Variants in ESRRB observed in about 807,000 individuals in gnomAD.
ESRRB encodes the protein estrogen related receptor beta, also known as steroid hormone receptor ERR2.
A neutral mutation model predicts 46.0 loss-of-function variants in ESRRB; 16 were observed. The ratio of observed to expected loss-of-function variants is 0.35; its 90% CI spans 0.24 to 0.53. ESRRB has a LOEUF of 0.53. ESRRB is among the 20% of genes least tolerant of loss of function. The pLI is 0.93. For missense variants in ESRRB, 488 were observed against 607.4 expected (o/e 0.80, Z 2.07); for synonymous variants, 246 against 259.6 (o/e 0.95, Z 0.50).
intron 1 of ESRRB, among the ~76,000 whole-genome samples, chr14:76,378,450 T>C (rs935381329): frequency 1.3e-5 from 2 of 151,934 alleles, no homozygotes; most frequent in Non-Finnish European, 2.9e-5. Context: ...TAGAAATCAT[T>C]TATAAACTAA....
At position 76,347,560 on chromosome 14, in the gene ESRRB, T is replaced by C. The variant is rs2139757753; in HGVS notation, c.2+36644T>C. On this transcript the variant is annotated intron_variant, in intron 1 of 6. Transcript: ENST00000512784. ...CCAGTGCCTGCAACAGTGCATGTCA[T>C]AGACACTGAAATAGCTCACTTAATC... Among the ~76,000 whole-genome samples the C allele has an allele frequency of 2.0e-5, 2 of 100,310 alleles. 1 individual carries two copies. Among genetic ancestry groups the C allele is most frequent in the African/African-American group, 7.1e-5 (2 of 28,110 alleles). The allele number at this position is 100,310 out of a possible 152,430, so 65.8% of individuals were successfully genotyped here. A position where few individuals can be genotyped will look rare whatever the true frequency, so the allele number is the denominator to read the frequency against.
chr14:76,494,018 T>C (rs560310722), intron 6 of ESRRB, among the ~76,000 whole-genome samples: 1 of 152,326 alleles, frequency 6.6e-6, no homozygotes, highest in African/African-American at 2.4e-5. Context: ...TTCCCTGTGC[T>C]TCCTGCCTCC....
At chr14:76,433,415 C>A (rs1331007084) in intron 1 of ESRRB, among the ~76,000 whole-genome samples, 2 of 152,120 alleles carry the variant, frequency 1.3e-5, no homozygotes, top group Non-Finnish European at 2.9e-5. Flanking sequence ...TTGCTCAGGG[C>A]CAACTGGGAG....
At chr14:76,392,234 C>T (rs12588054) in intron 1 of ESRRB, among the ~76,000 whole-genome samples, 44,269 of 151,876 alleles carry the variant, frequency 0.29, 6,609 homozygotes, top group South Asian at 0.34. Flanking sequence ...TGCAGGGTGG[C>T]GTGTGGGTAT....
intron 1 of ESRRB, among the ~76,000 whole-genome samples, chr14:76,437,682 C>T (rs1265878538): frequency 1.3e-5 from 2 of 152,168 alleles, no homozygotes; most frequent in Non-Finnish European, 2.9e-5. Flanking sequence ...CAGATCAACA[C>T]CACCCAGGCC....
At chr14:76,495,182 G>A (rs972623333) in intron 6 of ESRRB, among the ~76,000 whole-genome samples, 21 of 152,096 alleles carry the variant, frequency 1.4e-4, no homozygotes, top group African/African-American at 2.4e-4. Flanking sequence ...CTGAGGACCC[G>A]TGGAGGTTTG....
At chr14:76,359,230 G>A (rs1884434793) in intron 1 of ESRRB, among the ~76,000 whole-genome samples, 1 of 152,204 alleles carries the variant, frequency 6.6e-6, no homozygotes, top group Non-Finnish European at 1.5e-5. Flanking sequence ...GATTTTAACT[G>A]ACCCTACTGA....
upstream of ESRRB, among the ~76,000 whole-genome samples, chr14:76,373,236 A>G (rs1195484768): frequency 6.6e-6 from 1 of 152,208 alleles, no homozygotes; most frequent in Non-Finnish European, 1.5e-5. Context: ...CTTGCTGAGC[A>G]TGGATTACAA....
In ESRRB at chr14:76,500,820, C is replaced by A; in HGVS notation, c.*2362C>A. ...TGACCTCACTTCAGAGCCCCTCTAG[C>A]AGAGTGGGGCGGAAGTCCTGATGGT... On this transcript the variant is annotated 3_prime_UTR_variant, in exon 7 of 7. Transcript: ENST00000644823. The A allele has an allele frequency of 7.6e-7, 1 of 1,317,080 alleles. No homozygotes were observed. The highest frequency in any genetic ancestry group is 1.1e-6 in the Non-Finnish European group (1 of 909,428). 81.6% of individuals were successfully genotyped at this position (1,317,080 alleles called of 1,614,324 possible). A position where few individuals can be genotyped will look rare whatever the true frequency, so the allele number is the denominator to read the frequency against.
chr14:76,382,063 A>G (rs771661113), intron 1 of ESRRB, among the ~76,000 whole-genome samples: 1 of 152,136 alleles, frequency 6.6e-6, no homozygotes, highest in Admixed American at 6.5e-5. Context: ...TGTGCTGCCA[A>G]TAAAGCCCCT....
At chr14:76,392,077 T>G (rs1040161204) in intron 1 of ESRRB, among the ~76,000 whole-genome samples, 1 of 152,246 alleles carries the variant, frequency 6.6e-6, no homozygotes, top group Admixed American at 6.5e-5. Context: ...CTTTCTGTTC[T>G]GTGTAACTGC....
Position 76,500,852 on chromosome 14 carries a change from C to A in ESRRB, c.*2394C>A, listed in dbSNP as rs182946682. ...GGGCGGAAGTCCTGATGGTTGGTGT[C>A]CATGAGGTGGAAGCTGCTTTTATAC... On this transcript the variant is annotated 3_prime_UTR_variant, in exon 7 of 7. Transcript: ENST00000644823. 9 of 954,714 alleles carry A rather than the reference C, an allele frequency of 9.4e-6. No homozygotes were observed. The Admixed American group carries it at 1.0e-4, about 11-fold the overall frequency. 59.1% of individuals were successfully genotyped at this position (954,714 alleles called of 1,614,324 possible). A position where few individuals can be genotyped will look rare whatever the true frequency, so the allele number is the denominator to read the frequency against.
chr14:76,341,752 T>C (rs1204964232), intron 1 of ESRRB, among the ~76,000 whole-genome samples: 1 of 152,192 alleles, frequency 6.6e-6, no homozygotes, highest in Non-Finnish European at 1.5e-5. Flanking sequence ...GACCCTAGCT[T>C]TGGTGTCCAG....
At chr14:76,343,356 G>A (rs1008674673) in intron 1 of ESRRB, among the ~76,000 whole-genome samples, 1 of 152,244 alleles carries the variant, frequency 6.6e-6, no homozygotes, top group Admixed American at 6.5e-5. Flanking sequence ...TGAGAACATG[G>A]ACTCTGAAGT....
At chr14:76,484,952 C>T (rs535411875) in intron 5 of ESRRB, among the ~76,000 whole-genome samples, 30 of 152,316 alleles carry the variant, frequency 2.0e-4, no homozygotes, top group African/African-American at 6.3e-4. Flanking sequence ...ATGGCAGAGA[C>T]GCTTACCAGC....
At chr14:76,371,017 C>G (rs1380551449), upstream of ESRRB, among the ~76,000 whole-genome samples, 1 of 152,170 alleles carries the variant, frequency 6.6e-6, no homozygotes, top group Non-Finnish European at 1.5e-5. Flanking sequence ...ATGGATGACG[C>G]CAGTGGTGGG....
At chr14:76,342,333 A>G (rs755492) in intron 1 of ESRRB, among the ~76,000 whole-genome samples, 57,678 of 151,944 alleles carry the variant, frequency 0.38, 10,986 homozygotes, top group Admixed American at 0.48. Flanking sequence ...TTCTGGCAGG[A>G]AAGAAGGAAC....
At chr14:76,347,000 G>T (rs967200772) in intron 1 of ESRRB, among the ~76,000 whole-genome samples, 9 of 152,278 alleles carry the variant, frequency 5.9e-5, no homozygotes, top group African/African-American at 1.4e-4. Context: ...AACACTGCCC[G>T]CAGAGCCAGG....
chr14:76,330,635 G>A (rs973318825), intron 1 of ESRRB, among the ~76,000 whole-genome samples: 6 of 152,184 alleles, frequency 3.9e-5, no homozygotes, highest in African/African-American at 9.7e-5. Flanking sequence ...CGAGGATCGT[G>A]GTGGCTGGGT....
Sources: allele counts gnomAD v4.1 joint callset (sites outside exome capture counted in the v4.1 genomes callset), GRCh38; gene constraint gnomAD v4.1.1; transcripts MANE v1.5; gene names NCBI Gene and HGNC (gene_info 2026-07-23, HGNC 2026-07-21).